Variants in ERMP1 observed in about 807,000 individuals in gnomAD.
The protein encoded by ERMP1 is Felix-ina.
ERMP1 carries 86 observed loss-of-function variants against 92.0 expected under a neutral mutation model. The observed-to-expected ratio is 0.93, with a 90% CI of 0.79 to 1.12. The LOEUF (loss-of-function observed/expected upper bound fraction) is 1.12, where lower values mean the gene tolerates loss of function less well. ERMP1 is among the 50% of genes most tolerant of loss of function. The probability of loss-of-function intolerance (pLI) is 0.00; values close to 1 mark genes in which losing one functional copy is unlikely to be tolerated. For synonymous variants in ERMP1, 530 were observed against 412.8 expected (o/e 1.28, Z -3.44); for missense variants, 1,342 against 1,116.3 (o/e 1.20, Z -2.88).
At chr9:5,849,431 T>C (rs967180677) in intron 6 of ERMP1, among the ~76,000 whole-genome samples, 1 of 152,196 alleles carries the variant, frequency 6.6e-6, no homozygotes, top group African/African-American at 2.4e-5. Context: ...GAGAACTGAC[T>C]TAGCCAAAGC....
Position 5,865,464 on chromosome 9 carries a change from C to T in ERMP1, n.3055+2338G>A, listed in dbSNP as rs547719445. Reference sequence around the variant, plus strand: ...CGGAGCTTGCAGTGAGCCGAGATCGCGCCACTGTGCTCCAGCCTGGGCGAC... The same window carrying T: ...CGGAGCTTGCAGTGAGCCGAGATCGTGCCACTGTGCTCCAGCCTGGGCGAC... On this transcript the variant is annotated intron_variant and non_coding_transcript_variant, in intron 5 of 6. Transcript: ENST00000690753. Among the ~76,000 whole-genome samples the T allele has an allele frequency of 3.9e-3, 573 of 146,038 alleles. 2 individuals carry two copies. The highest frequency in any genetic ancestry group is 7.0e-3 in the Non-Finnish European group (469 of 66,954).
At chr9:5,851,915 G>A (rs1830311523) in intron 6 of ERMP1, among the ~76,000 whole-genome samples, 2 of 152,048 alleles carry the variant, frequency 1.3e-5, no homozygotes, top group African/African-American at 2.4e-5. Flanking sequence ...TTCATAATGA[G>A]TCAACAAGTC....
chr9:5,826,664 G>C (rs1435206160), intron 2 of ERMP1, among the ~76,000 whole-genome samples: 1 of 152,126 alleles, frequency 6.6e-6, no homozygotes, highest in Non-Finnish European at 1.5e-5. Flanking sequence ...GTGAAACAAA[G>C]TAATAATCAT....
rs1827900547 is a variant in ERMP1, at chr9:5,785,540, T to C, written c.*1604A>G. ...GTGTGAGCCTAACATGTTATTCAGC[T>C]CTGGTTGCAGCCCCATCTACATGGG... On this transcript the variant is annotated 3_prime_UTR_variant, in exon 15 of 15. Transcript: ENST00000339450. The C allele has an allele frequency of 6.6e-6, 1 of 152,402 alleles. No individual in the cohort carries two copies. The highest frequency in any genetic ancestry group is 2.1e-4 in the South Asian group (1 of 4,830). The allele number at this position is 152,402 out of a possible 1,614,324, so 9.4% of individuals were successfully genotyped here. A position where few individuals can be genotyped will look rare whatever the true frequency, so the allele number is the denominator to read the frequency against.
Position 5,812,217 on chromosome 9 carries a change from C to T in ERMP1, c.1022G>A (p.Gly341Glu). The T allele has an allele frequency of 3.2e-6, 5 of 1,557,244 alleles. No individual in the cohort carries two copies. Among genetic ancestry groups the T allele is most frequent in the Middle Eastern group, 1.7e-4 (1 of 5,862 alleles). The change falls in exon 6 of 15, where the codon GGA becomes GAA. Residue 341 changes from glycine to glutamate, a missense_variant and splice_region_variant. Gly to Glu is a moderately conservative substitution (Grantham distance 98). Transcript: ENST00000339450. ...RIYRDFGNIP[G>E]IDLAFIENGY... is the part of the protein sequence containing the mutation. ...ATTCTCAATAAAAGCTAAGTCTATT[C>T]CTAAAACATATATATAGAAAAAAAA...
chr9:5,801,486 C>T (rs893189522), intron 10 of ERMP1, among the ~76,000 whole-genome samples, 158 bp from the exon 11 acceptor site: 7 of 152,184 alleles, frequency 4.6e-5, no homozygotes, highest in African/African-American at 1.7e-4. Flanking sequence ...AAACAAAGCA[C>T]TAACTCTAGG....
At position 5,833,049 on chromosome 9, in the gene ERMP1, G is replaced by A. The variant is rs1318469226; in HGVS notation, c.-22C>T. The A allele has an allele frequency of 1.1e-5, 16 of 1,450,946 alleles. No homozygotes were observed. The highest frequency in any genetic ancestry group is 2.6e-5 in the Admixed American group (1 of 38,046). The allele number at this position is 1,450,946 out of a possible 1,614,324, so 89.9% of individuals were successfully genotyped here. A position where few individuals can be genotyped will look rare whatever the true frequency, so the allele number is the denominator to read the frequency against. On this transcript the variant is annotated 5_prime_UTR_variant, in exon 1 of 15. Transcript: ENST00000339450. ...CCATGGCCACGAGCCTCAGCTGCCA[G>A]CCCAACCGCCCCAACCCGCGACAGC...
chr9:5,789,718 C>CT (rs1396466940), intron 13 of ERMP1, among the ~76,000 whole-genome samples: 1 of 152,074 alleles, frequency 6.6e-6, no homozygotes, highest in Admixed American at 6.5e-5. Flanking sequence ...GCCCACTGCT[C>CT]TATCGCCTAG....
chr9:5,789,005 A>T (rs1444589380), intron 13 of ERMP1, among the ~76,000 whole-genome samples: 1 of 152,182 alleles, frequency 6.6e-6, no homozygotes, highest in Non-Finnish European at 1.5e-5. Context: ...CAAAGTAAAA[A>T]AGGTTAGCGA....
intron 6 of ERMP1, chr9:5,856,191 T>C (rs1479565733): frequency 7.1e-6 from 2 of 282,134 alleles, no homozygotes; most frequent in East Asian, 2.7e-4. Flanking sequence ...CAGAAAACCA[T>C]CTGGGAGCCA....
chr9:5,805,828 A>T (rs936168002), intron 8 of ERMP1, 43 bp from the exon 9 acceptor site: 1 of 1,443,450 alleles, frequency 6.9e-7, no homozygotes, highest in Non-Finnish European at 9.3e-7. Flanking sequence ...TTCAGGGGTC[A>T]TGCATAAAGA....
In ERMP1 at chr9:5,805,202, A is replaced by G; in HGVS notation, c.1739T>C (p.Phe580Ser). Residue 580 changes from phenylalanine (F) to serine (S), a missense_variant, in exon 10 of 15, where the codon TTT becomes TCT. Physicochemically the swap from Phe to Ser is radical, Grantham distance 155. Coordinates refer to ENST00000339450, the MANE Select transcript of ERMP1 (RefSeq NM_024896.3). ...CATCCCCAAAAGGTAAAAAGCAATA[A>G]ATTTTCCTTGGGCACCTAGGGAAAA... ...DFKQHGAQGKFIAFYLLGMFI... is the reference protein window; with the variant it reads ...DFKQHGAQGKSIAFYLLGMFI... 6.2e-7 allele frequency: 1 copy of G among 1,606,210 alleles called. No individual in the cohort carries two copies. Among genetic ancestry groups the G allele is most frequent in the Non-Finnish European group, 8.5e-7 (1 of 1,177,748 alleles).
In ERMP1 at chr9:5,832,849, G is replaced by T; in HGVS notation, c.179C>A (p.Ala60Glu). 6.6e-7 allele frequency: 1 copy of T among 1,504,908 alleles called. No homozygotes were observed. Among genetic ancestry groups the T allele is most frequent in the Non-Finnish European group, 8.8e-7 (1 of 1,135,174 alleles). 93.2% of individuals were successfully genotyped at this position (1,504,908 alleles called of 1,614,324 possible). A position where few individuals can be genotyped will look rare whatever the true frequency, so the allele number is the denominator to read the frequency against. Residue 60 changes from alanine (A) to glutamate (E), a missense_variant, in exon 1 of 15, where the codon GCG becomes GAG. Coordinates refer to ENST00000339450, the MANE Select transcript of ERMP1 (RefSeq NM_024896.3). Reference protein sequence around the residue: ...RKRSPGGSGGASRGAGTGLSE... With the variant: ...RKRSPGGSGGESRGAGTGLSE... ...CAGCCCGGTCCCCGCGCCCCTGCTC[G>T]CGCCGCCGCTACCCCCGGGGCTCCT...
At chr9:5,819,326 C>T (rs1032478219) in intron 4 of ERMP1, among the ~76,000 whole-genome samples, 6 of 152,062 alleles carry the variant, frequency 3.9e-5, no homozygotes, top group African/African-American at 1.5e-4. Context: ...GTTAAAAACT[C>T]CGATAACGGA....
At position 5,806,641 on chromosome 9, in the gene ERMP1, T is replaced by C. The variant is rs540139486; in HGVS notation, c.1549-856A>G. 7.9e-5 allele frequency among the ~76,000 whole-genome samples: 12 copies of C among 152,074 alleles called. No individual in the cohort carries two copies. The South Asian group carries it at 8.3e-4, about 11-fold the overall frequency. ...TTTTGGCAGAGACAGGGTCTTGCCA[T>C]GTTGCTCAGCCTGGTCTCAAACACC... On this transcript the variant is annotated intron_variant, in intron 8 of 14. Coordinates refer to ENST00000339450, the MANE Select transcript of ERMP1 (RefSeq NM_024896.3).
At chr9:5,841,452 C>G (rs773673139) in intron 6 of ERMP1, among the ~76,000 whole-genome samples, 1 of 152,126 alleles carries the variant, frequency 6.6e-6, no homozygotes, top group Non-Finnish European at 1.5e-5. Flanking sequence ...AGGGCAGAGG[C>G]GAGAATGGAA....
intron 13 of ERMP1, among the ~76,000 whole-genome samples, chr9:5,797,583 G>A (rs912332369): frequency 5.3e-5 from 8 of 151,466 alleles, no homozygotes; most frequent in South Asian, 4.2e-4. Context: ...AGGAGGCGGA[G>A]GTTGCAGTGA....
intron 4 of ERMP1, among the ~76,000 whole-genome samples, chr9:5,823,321 A>C (rs577306439): frequency 6.9e-4 from 105 of 152,316 alleles, no homozygotes; most frequent in African/African-American, 2.4e-3. Context: ...ATTAAATATT[A>C]CTAAATTTTT....
chr9:5,809,106 C>T (rs1190431657), intron 8 of ERMP1, among the ~76,000 whole-genome samples: 1 of 152,108 alleles, frequency 6.6e-6, no homozygotes, highest in African/African-American at 2.4e-5. Context: ...ACTGCAGGCT[C>T]CGCCTCCCGG....
Sources: allele counts gnomAD v4.1 joint callset (sites outside exome capture counted in the v4.1 genomes callset), GRCh38; gene constraint gnomAD v4.1.1; transcripts MANE v1.5; gene names NCBI Gene and HGNC (gene_info 2026-07-23, HGNC 2026-07-21).